The following NME5 variants were observed in gnomAD, a reference collection of about 807,000 sequenced individuals.
NME5 encodes NME/NM23 family member 5.
NME5 carries 18 observed loss-of-function variants against 21.6 expected under a neutral mutation model. The observed-to-expected ratio is 0.83, with a 90% CI of 0.58 to 1.24. NME5 has a LOEUF of 1.24. Ranked by LOEUF, NME5 falls within the 50% of genes most tolerant of loss-of-function variation. NME5 has a pLI of 0.00. For synonymous variants in NME5, 70 were observed against 80.6 expected, an observed-to-expected ratio of 0.87 and a Z score of 0.71; for missense variants, 223 against 255.4, an observed-to-expected ratio of 0.87 and a Z score of 0.86.
At chr5:138,129,136 CA>C (rs1231731983) in intron 3 of NME5, 126 bp downstream of exon 3, 6 of 745,020 alleles carry the variant, frequency 8.1e-6, no homozygotes, top group East Asian at 2.8e-5. Flanking sequence ...CTCTGCCCCC[CA>C]AAAAAGTTGA....
At chr5:138,120,230 C>CTTTTTTTTT in intron 4 of NME5, among the ~76,000 whole-genome samples, 1 of 87,148 alleles carries the variant, frequency 1.1e-5, no homozygotes, top group Non-Finnish European at 2.2e-5. Context: ...GCTCCCAGCT[C>CTTTTTTTTT]TTTTTTTTTT....
intron 5 of NME5, among the ~76,000 whole-genome samples, chr5:138,117,532 G>A (rs917037846): frequency 2.6e-5 from 4 of 152,030 alleles, no homozygotes; most frequent in African/African-American, 7.2e-5. Flanking sequence ...TTAAAAATGG[G>A]CAAAGGACTT....
intron 4 of NME5, among the ~76,000 whole-genome samples, chr5:138,125,623 T>A (rs1751380812): frequency 6.6e-6 from 1 of 152,108 alleles, no homozygotes; most frequent in Admixed American, 6.5e-5. Flanking sequence ...ACTTTTTTCT[T>A]TTCTTTTCTT....
chr5:138,127,209 G>A (rs1751445986), intron 4 of NME5, among the ~76,000 whole-genome samples: 1 of 152,118 alleles, frequency 6.6e-6, no homozygotes, highest in Admixed American at 6.6e-5. Flanking sequence ...CCCCTGGGAG[G>A]ATGACTGAAA....
intron 4 of NME5, among the ~76,000 whole-genome samples, chr5:138,121,704 AAG>A (rs1751289408): frequency 1.3e-5 from 2 of 152,174 alleles, no homozygotes; most frequent in Non-Finnish European, 2.9e-5. Context: ...GCTTTGCAGT[AAG>A]TTTCAAAATC....
Position 138,118,926 on chromosome 5 carries a change from C to T in NME5, c.447G>A (p.Glu149=), listed in dbSNP as rs1310222941. ...TAGCAGCTTGTCCAATTGGAATGGG[C>T]TCAACAATCACTGCAAATACAAATG... ...IRFMFPEVIV[E]PIPIGQAAKD... Residue 149 remains glutamate, a synonymous_variant, in exon 5 of 6, where the codon GAG becomes GAA. Coordinates refer to ENST00000265191, the MANE Select transcript of NME5 (RefSeq NM_003551.3). 1.3e-6 allele frequency: 2 copies of T among 1,574,020 alleles called. No homozygotes were observed. The highest frequency in any genetic ancestry group is 2.2e-5 in the South Asian group (2 of 90,156).
chr5:138,125,580 AC>A (rs1300611704), intron 4 of NME5, among the ~76,000 whole-genome samples: 1 of 151,034 alleles, frequency 6.6e-6, no homozygotes, highest in African/African-American at 2.4e-5. Flanking sequence ...CCCTGTGACC[AC>A]CCCCCAGAAA....
At chr5:138,124,845 A>C (rs2151162141) in intron 4 of NME5, among the ~76,000 whole-genome samples, 1 of 152,282 alleles carries the variant, frequency 6.6e-6, no homozygotes, top group Non-Finnish European at 1.5e-5. Flanking sequence ...TAATGAGAGA[A>C]TAAAAAGAGT....
At chr5:138,131,212 A>AG (rs1383054267) in intron 2 of NME5, among the ~76,000 whole-genome samples, 1 of 148,920 alleles carries the variant, frequency 6.7e-6, no homozygotes, top group African/African-American at 2.5e-5. Flanking sequence ...GCTAAAAAAA[A>AG]AAAAAAAAAA....
chr5:138,139,326 G>T (rs982619709), intron 1 of NME5, 45 bp downstream of exon 1: 112 of 983,282 alleles, frequency 1.1e-4, no homozygotes, highest in Middle Eastern at 5.2e-4. Flanking sequence ...GGACTTTCCG[G>T]GTTGCACCTG....
intron 5 of NME5, among the ~76,000 whole-genome samples, chr5:138,117,188 A>T (rs1751178184): frequency 7.1e-6 from 1 of 140,708 alleles, no homozygotes; most frequent in South Asian, 2.3e-4. Flanking sequence ...CAGCATGGGG[A>T]ACAAAGACCC....
intron 2 of NME5, among the ~76,000 whole-genome samples, chr5:138,129,915 C>G (rs921637902): frequency 4.6e-5 from 7 of 151,726 alleles, no homozygotes; most frequent in Admixed American, 6.6e-5. Context: ...CAAGACTGCA[C>G]CACTGCACTC....
At chr5:138,128,453 T>C (rs368323290) in intron 4 of NME5, 26 bp downstream of exon 4, 2 of 1,529,664 alleles carry the variant, frequency 1.3e-6, no homozygotes, top group African/African-American at 2.7e-5. Context: ...GAGATGCAGT[T>C]GACAAGTTAG....
intron 2 of NME5, among the ~76,000 whole-genome samples, chr5:138,134,873 G>A (rs1038592448): frequency 1.3e-5 from 2 of 150,672 alleles, no homozygotes; most frequent in Admixed American, 6.6e-5. Flanking sequence ...CCGCCACTGC[G>A]CCCGGCTAAT....
chr5:138,124,559 T>C (rs1002403819), intron 4 of NME5, among the ~76,000 whole-genome samples: 1 of 152,238 alleles, frequency 6.6e-6, no homozygotes, highest in African/African-American at 2.4e-5. Context: ...TCTCACTCTG[T>C]CACCCAAGTG....
rs753962230 is a variant in NME5, at chr5:138,138,726, T to G, written c.55A>C (p.Ile19Leu). Residue 19 changes from isoleucine to leucine, a missense_variant, in exon 2 of 6, where the codon ATC becomes CTC. Physicochemically the swap from Ile to Leu is conservative, Grantham distance 5. Transcript: ENST00000265191. ...TCTTTGTCAACAATATCTGGTTTGA[T>G]AATGGCCAGAGTTTTTTCTACATAT... ...QIYVEKTLAI[I>L]KPDIVDKEEE... 1.2e-6 allele frequency: 2 copies of G among 1,612,894 alleles called. No individual in the cohort carries two copies. Among genetic ancestry groups the G allele is most frequent in the Admixed American group, 3.3e-5 (2 of 59,748 alleles).
At chr5:138,127,719 A>G in intron 4 of NME5, 1 of 980,192 alleles carries the variant, frequency 1.0e-6, no homozygotes, top group Non-Finnish European at 1.2e-6. Context: ...TAAGGAAACA[A>G]AAAAAGGGAC....
intron 4 of NME5, chr5:138,127,664 T>C (rs1263563673): frequency 2.0e-6 from 2 of 984,914 alleles, no homozygotes; most frequent in Non-Finnish European, 2.4e-6. Context: ...TTCAGTGTTC[T>C]TCCTCGTATG....
At chr5:138,136,948 G>A (rs148773144) in intron 2 of NME5, among the ~76,000 whole-genome samples, 2 of 150,244 alleles carry the variant, frequency 1.3e-5, no homozygotes, top group East Asian at 3.9e-4. Context: ...TGGCCTTGTT[G>A]ATATAATCTT....
Sources: gnomAD v4.1 joint callset for allele counts (sites outside exome capture counted in the v4.1 genomes callset) on GRCh38, gnomAD v4.1.1 for gene constraint, MANE v1.5 for transcripts, NCBI Gene and HGNC (gene_info 2026-07-23, HGNC 2026-07-21) for gene names.